The following RNLS variants were observed in gnomAD, a reference collection of about 807,000 sequenced individuals.
RNLS encodes renalase.
Under a neutral mutation model 39.8 loss-of-function variants are expected in RNLS, and 39 were observed. The ratio of observed to expected loss-of-function variants is 0.98; its 90% CI spans 0.76 to 1.28. The LOEUF (loss-of-function observed/expected upper bound fraction) is 1.28. Among genes scored for constraint, RNLS ranks in the 50% most tolerant of loss-of-function variants. RNLS has a pLI of 0.00. For missense variants in RNLS, 410 were observed against 413.3 expected (o/e 0.99, Z 0.07); for synonymous variants, 147 against 150.7 (o/e 0.98, Z 0.18).
chr10:88,214,983 T>G, the RNLS span, among the ~76,000 whole-genome samples: 1 of 152,140 alleles, frequency 6.6e-6, no homozygotes. Flanking sequence ...ACATCCTTCT[T>G]TCTTCTCTTT....
intron 4 of RNLS, among the ~76,000 whole-genome samples, chr10:88,489,831 T>C (rs1844783254): frequency 6.6e-6 from 1 of 152,168 alleles, no homozygotes; most frequent in South Asian, 2.1e-4. Flanking sequence ...GAGCAAGGCA[T>C]TCAGGCTGTA....
At chr10:88,173,481 T>C in the RNLS span, among the ~76,000 whole-genome samples, 2 of 152,328 alleles carry the variant, frequency 1.3e-5, no homozygotes, top group East Asian at 3.9e-4. Context: ...AATTGTTTCA[T>C]ACACATTTTA....
chr10:88,264,052 T>C, the RNLS span, among the ~76,000 whole-genome samples: 209 of 152,336 alleles, frequency 1.4e-3, 1 homozygote, highest in African/African-American at 4.7e-3. Flanking sequence ...TTCCCACTTA[T>C]GAGTGAGAAC....
intron 6 of RNLS, among the ~76,000 whole-genome samples, chr10:88,301,558 CA>C (rs1166203527): frequency 6.6e-6 from 1 of 152,134 alleles, no homozygotes; most frequent in Non-Finnish European, 1.5e-5. Flanking sequence ...ACTCATGGCC[CA>C]ACTGTGTTAA....
chr10:88,439,230 A>G (rs1841578536), intron 4 of RNLS, among the ~76,000 whole-genome samples: 1 of 152,196 alleles, frequency 6.6e-6, no homozygotes, highest in African/African-American at 2.4e-5. Flanking sequence ...ATAAATCTCA[A>G]AGGGCTGCTA....
intron 4 of RNLS, among the ~76,000 whole-genome samples, chr10:88,462,651 T>C (rs1219460043): frequency 1.3e-5 from 2 of 151,946 alleles, no homozygotes; most frequent in African/African-American, 4.8e-5. Flanking sequence ...AATACTACAA[T>C]AGAGGCATGT....
chr10:88,387,502 CAAAAAAAAA>C (rs5786817), intron 4 of RNLS, among the ~76,000 whole-genome samples: 31 of 70,126 alleles, frequency 4.4e-4, no homozygotes, highest in Non-Finnish European at 6.2e-4. Flanking sequence ...GAGAACAGAG[CAAAAAAAAA>C]AAAAAAAAAA....
chr10:88,433,299 T>C (rs1446943742), intron 4 of RNLS, among the ~76,000 whole-genome samples: 1 of 152,018 alleles, frequency 6.6e-6, no homozygotes, highest in Non-Finnish European at 1.5e-5. Context: ...TCCAGAGTTG[T>C]TCTTCTGAGC....
intron 4 of RNLS, among the ~76,000 whole-genome samples, chr10:88,558,502 C>T (rs971706150): frequency 2.0e-5 from 3 of 152,106 alleles, no homozygotes; most frequent in African/African-American, 7.2e-5. Flanking sequence ...CAGAGGGACA[C>T]TTAAGTAGGT....
At chr10:88,544,334 T>C (rs1264880481) in intron 4 of RNLS, among the ~76,000 whole-genome samples, 1 of 152,210 alleles carries the variant, frequency 6.6e-6, no homozygotes, top group African/African-American at 2.4e-5. Context: ...TTTTTCCCTA[T>C]ATGACTGGTC....
At chr10:88,524,475 G>A (rs987800004) in intron 4 of RNLS, among the ~76,000 whole-genome samples, 2 of 152,036 alleles carry the variant, frequency 1.3e-5, no homozygotes, top group African/African-American at 2.4e-5. Context: ...CTACTAAAGT[G>A]ATTTTGTTTT....
the RNLS span, among the ~76,000 whole-genome samples, chr10:88,214,458 C>T: frequency 6.7e-6 from 1 of 148,268 alleles, no homozygotes; most frequent in Non-Finnish European, 1.5e-5. Context: ...GACATCGCGC[C>T]ACTGCACTCC....
chr10:88,519,852 G>A (rs1266731449), intron 4 of RNLS, among the ~76,000 whole-genome samples: 1 of 151,314 alleles, frequency 6.6e-6, no homozygotes, highest in East Asian at 1.9e-4. Context: ...CTTCAATGTT[G>A]TCTAAATGTA....
At chr10:88,219,478 C>T in the RNLS span, among the ~76,000 whole-genome samples, 1 of 152,216 alleles carries the variant, frequency 6.6e-6, no homozygotes, top group East Asian at 1.9e-4. Context: ...TTCTCTGGTC[C>T]TGTGACTTCT....
chr10:88,484,449 A>G (rs1669262720), intron 4 of RNLS, among the ~76,000 whole-genome samples: 1 of 152,052 alleles, frequency 6.6e-6, no homozygotes, highest in Non-Finnish European at 1.5e-5. Flanking sequence ...TGAGGAACAC[A>G]GAATGGGGAC....
intron 4 of RNLS, among the ~76,000 whole-genome samples, chr10:88,374,543 T>C (rs537561431): frequency 1.4e-4 from 21 of 152,284 alleles, no homozygotes; most frequent in African/African-American, 4.8e-4. Context: ...CACACCTGTT[T>C]ACTCTTTGTT....
chr10:88,548,194 G>A lies in RNLS; in HGVS notation c.526+24709C>T, dbSNP rs1441345060. On this transcript the variant is annotated intron_variant, in intron 4 of 6. Transcript: ENST00000331772. ...GGAGAATTGCTTGAACCCGGGAGGC[G>A]GAGGTTGCAGTGAGCCGAGATCACG... is the stretch of plus-strand genomic sequence containing the variant. Among the ~76,000 whole-genome samples the A allele has an allele frequency of 4.2e-4, 58 of 138,368 alleles. 1 individual carries two copies. Among genetic ancestry groups the A allele is most frequent in the African/African-American group, 1.2e-3 (46 of 36,898 alleles). 90.8% of individuals were successfully genotyped at this position (138,368 alleles called of 152,430 possible).
the RNLS span, among the ~76,000 whole-genome samples, chr10:88,178,758 C>A: frequency 2.6e-4 from 39 of 152,294 alleles, no homozygotes; most frequent in South Asian, 7.7e-3. Flanking sequence ...TCTTGATGAT[C>A]CAGACTACTG....
chr10:88,569,438 G>A (rs920998694), intron 4 of RNLS, among the ~76,000 whole-genome samples: 1 of 152,114 alleles, frequency 6.6e-6, no homozygotes, highest in Non-Finnish European at 1.5e-5. Flanking sequence ...CTGGATGAAG[G>A]AGAGAGACAG....
Sources: gnomAD v4.1 joint callset for allele counts (sites outside exome capture counted in the v4.1 genomes callset) on GRCh38, gnomAD v4.1.1 for gene constraint, MANE v1.5 for transcripts, NCBI Gene and HGNC (gene_info 2026-07-23, HGNC 2026-07-21) for gene names.